Variants in CADPS2 observed in about 807,000 individuals in gnomAD.
The protein encoded by CADPS2 is calcium dependent secretion activator 2, also known as calcium-dependent secretion activator 2.
In CADPS2, 93 loss-of-function variants were observed where a neutral mutation model predicts 172.5. The ratio of observed to expected loss-of-function variants is 0.54; its 90% CI spans 0.46 to 0.64. CADPS2 has a LOEUF of 0.64. Among genes scored for constraint, CADPS2 ranks in the 30% least tolerant of loss-of-function variants. The pLI, the probability that CADPS2 is intolerant of heterozygous loss-of-function variation, is 0.00. For missense variants in CADPS2, 1,420 were observed against 1,565.9 expected (o/e 0.91, Z 1.57); for synonymous variants, 546 against 555.2 (o/e 0.98, Z 0.23).
intron 28 of CADPS2, among the ~76,000 whole-genome samples, chr7:122,326,401 T>C (rs1432357119): frequency 6.6e-6 from 1 of 152,030 alleles, no homozygotes; most frequent in Non-Finnish European, 1.5e-5. Flanking sequence ...TAAAAGAAAA[T>C]ATTGTTCCTG....
At chr7:122,685,464 A>G (rs1183982885) in intron 2 of CADPS2, among the ~76,000 whole-genome samples, 1 of 152,224 alleles carries the variant, frequency 6.6e-6, no homozygotes, top group Admixed American at 6.5e-5. Flanking sequence ...GACACTTCTC[A>G]GATGACAAGA....
intron 1 of CADPS2, among the ~76,000 whole-genome samples, chr7:122,809,554 T>C (rs970812640): frequency 2.0e-5 from 3 of 147,246 alleles, no homozygotes; most frequent in African/African-American, 7.6e-5. Flanking sequence ...CACTCCAGCC[T>C]GGGCAATAGA....
intron 23 of CADPS2, 150 bp from the exon 24 acceptor site, chr7:122,387,323 G>T (rs1470137938): frequency 6.1e-5 from 43 of 706,682 alleles, no homozygotes; most frequent in Admixed American, 9.3e-5. Context: ...TAAGGGGTGG[G>T]ATGCTTTTCT....
In CADPS2 at chr7:122,886,369, G is replaced by C; in HGVS notation, c.-32C>G. The C allele has an allele frequency of 1.3e-6, 2 of 1,487,172 alleles. No individual in the cohort carries two copies. Among genetic ancestry groups the C allele is most frequent in the South Asian group, 1.3e-5 (1 of 79,252 alleles). The allele number at this position is 1,487,172 out of a possible 1,614,324, so 92.1% of individuals were successfully genotyped here. A position where few individuals can be genotyped will look rare whatever the true frequency, so the allele number is the denominator to read the frequency against. On this transcript the variant is annotated 5_prime_UTR_variant, in exon 1 of 30. Transcript: ENST00000449022. ...CGGGGATCCCCGCCGCTCGGCCCGC[G>C]GTCCCCAAGCGCCTCACCCCCGGCG...
chr7:122,581,448 G>A (rs745803167), intron 6 of CADPS2, among the ~76,000 whole-genome samples, 158 bp from the exon 7 acceptor site: 6 of 152,052 alleles, frequency 3.9e-5, no homozygotes, highest in Non-Finnish European at 8.8e-5. Context: ...AATCAAGAAG[G>A]AAAAGAACAA....
At chr7:122,870,434 C>T (rs948666408) in intron 1 of CADPS2, among the ~76,000 whole-genome samples, 7 of 151,736 alleles carry the variant, frequency 4.6e-5, no homozygotes, top group African/African-American at 1.7e-4. Context: ...TGCATAGAAA[C>T]AGAGTAGAAA....
At chr7:122,708,759 A>C (rs2088103964) in intron 2 of CADPS2, among the ~76,000 whole-genome samples, 1 of 151,736 alleles carries the variant, frequency 6.6e-6, no homozygotes, top group Admixed American at 6.6e-5. Flanking sequence ...AATTGAAAAC[A>C]ATTTTTTCCT....
chr7:122,644,002 G>A (rs968170951), intron 3 of CADPS2, among the ~76,000 whole-genome samples: 7 of 151,922 alleles, frequency 4.6e-5, no homozygotes, highest in Non-Finnish European at 1.0e-4. Context: ...GGCATGAGGC[G>A]GAGATTGCAG....
intron 1 of CADPS2, among the ~76,000 whole-genome samples, chr7:122,821,239 C>T (rs1028712448): frequency 6.6e-6 from 1 of 152,042 alleles, no homozygotes; most frequent in African/African-American, 2.4e-5. Context: ...TTATTGATGG[C>T]GGTTCCACCA....
At chr7:122,765,167 T>C (rs1174860787) in intron 1 of CADPS2, among the ~76,000 whole-genome samples, 1 of 152,166 alleles carries the variant, frequency 6.6e-6, no homozygotes, top group Non-Finnish European at 1.5e-5. Flanking sequence ...AAATAGTCTG[T>C]TGGACAGATC....
chr7:122,360,968 C>T lies in CADPS2; in HGVS notation c.3433G>A (p.Asp1145Asn), dbSNP rs369331950. The change falls in exon 26 of 30, where the codon GAT becomes AAT. Residue 1145 changes from aspartate (D) to asparagine (N), a missense_variant. Asp to Asn is a conservative substitution (Grantham distance 23). Coordinates refer to ENST00000449022, the MANE Select transcript of CADPS2 (RefSeq NM_017954.11). ...EGVLSKLSRY[D>N]EGTFFSSILS... ...ATGGATGAAAAGAAAGTGCCTTCAT[C>T]ATACCTTGACAGCTTAGACAACACG... 3.5e-5 allele frequency: 57 copies of T among 1,613,658 alleles called. No individual in the cohort carries two copies. The highest frequency in any genetic ancestry group is 4.7e-5 in the Non-Finnish European group (55 of 1,179,806).
chr7:122,557,772 C>T (rs114464480), intron 7 of CADPS2, among the ~76,000 whole-genome samples: 141 of 152,276 alleles, frequency 9.3e-4, no homozygotes, highest in African/African-American at 3.1e-3. Flanking sequence ...CTATTTGCCA[C>T]GATTCATGCT....
intron 9 of CADPS2, among the ~76,000 whole-genome samples, chr7:122,494,830 C>T (rs118145553): frequency 0.017 from 2,506 of 151,640 alleles, 34 homozygotes; most frequent in Non-Finnish European, 0.026. Context: ...TTTACTTTTT[C>T]CCTTGCATAT....
At chr7:122,520,286 T>C (rs1057299277) in intron 8 of CADPS2, among the ~76,000 whole-genome samples, 11 of 152,054 alleles carry the variant, frequency 7.2e-5, no homozygotes, top group Non-Finnish European at 2.9e-5. Context: ...GCAATGCTTA[T>C]ACGACAAAAC....
chr7:122,348,388 C>T (rs2038011495), intron 27 of CADPS2, among the ~76,000 whole-genome samples: 2 of 152,164 alleles, frequency 1.3e-5, no homozygotes, highest in South Asian at 2.1e-4. Flanking sequence ...AAACGAAATG[C>T]TTTTCCTATT....
chr7:122,724,728 G>A (rs1311950755), intron 2 of CADPS2, among the ~76,000 whole-genome samples: 2 of 150,868 alleles, frequency 1.3e-5, no homozygotes, highest in Non-Finnish European at 3.0e-5. Flanking sequence ...AACTCGCAAC[G>A]TTTTTTCACC....
Position 122,369,568 on chromosome 7 carries a change from C to T in CADPS2, c.3388-8555G>A, listed in dbSNP as rs561607355. 8 of 152,262 alleles carry T rather than the reference C, an allele frequency of 5.3e-5. No homozygotes were observed. The South Asian group carries it at 1.7e-3, about 32-fold the overall frequency. The allele number at this position is 152,262 out of a possible 1,614,324, so 9.4% of individuals were successfully genotyped here. On this transcript the variant is annotated intron_variant, in intron 25 of 29. Coordinates refer to ENST00000449022, the MANE Select transcript of CADPS2 (RefSeq NM_017954.11). ...TTATAATCACATCAATATTTTGACC[C>T]CATATCCCTCCTCTGAGCTCCAGAC...
intron 12 of CADPS2, among the ~76,000 whole-genome samples, chr7:122,476,884 T>C (rs1434407416): frequency 6.6e-6 from 1 of 151,306 alleles, no homozygotes; most frequent in African/African-American, 2.4e-5. Flanking sequence ...TACATTACCA[T>C]GTGGCAGTAT....
intron 4 of CADPS2, among the ~76,000 whole-genome samples, chr7:122,626,342 A>G (rs1259681392): frequency 2.0e-5 from 3 of 152,196 alleles, no homozygotes; most frequent in African/African-American, 7.2e-5. Context: ...TGGAAAGGGA[A>G]GGATGGTAAC....
Sources: allele counts gnomAD v4.1 joint callset (sites outside exome capture counted in the v4.1 genomes callset), GRCh38; gene constraint gnomAD v4.1.1; transcripts MANE v1.5; gene names NCBI Gene and HGNC (gene_info 2026-07-23, HGNC 2026-07-21).